MEGF9: variants seen among roughly 807,000 people sequenced by gnomAD.
The protein encoded by MEGF9 is multiple EGF like domains 9, also known as multiple epidermal growth factor-like domains protein 9.
Under a neutral mutation model 46.8 loss-of-function variants are expected in MEGF9, and 6 were observed. That is an observed-to-expected ratio of 0.13 (90% CI 0.07 to 0.25). The LOEUF (loss-of-function observed/expected upper bound fraction) is 0.25, where lower values mean the gene tolerates loss of function less well. Among genes scored for constraint, MEGF9 ranks in the 10% least tolerant of loss-of-function variants. The pLI is 1.00. For synonymous variants in MEGF9, 302 were observed against 330.7 expected, an observed-to-expected ratio of 0.91 and a Z score of 0.94; for missense variants, 683 against 792.4, an observed-to-expected ratio of 0.86 and a Z score of 1.66.
intron 1 of MEGF9, among the ~76,000 whole-genome samples, chr9:120,668,633 T>G (rs1334349993): frequency 6.6e-6 from 1 of 152,238 alleles, no homozygotes; most frequent in African/African-American, 2.4e-5. Context: ...TGAGACAAGA[T>G]GACAAGTTCT....
chr9:120,633,494 TG>T (rs1418838047), intron 2 of MEGF9, among the ~76,000 whole-genome samples: 2 of 152,120 alleles, frequency 1.3e-5, no homozygotes, highest in East Asian at 3.8e-4. Flanking sequence ...CTTTTTTTCT[TG>T]GTTAGTCTAG....
At chr9:120,681,872 A>G (rs2043800090) in intron 1 of MEGF9, among the ~76,000 whole-genome samples, 1 of 152,238 alleles carries the variant, frequency 6.6e-6, no homozygotes, top group African/African-American at 2.4e-5. Flanking sequence ...GTAGAGGAAG[A>G]TTAGTTTATG....
At chr9:120,713,653 G>A (rs533510594) in intron 1 of MEGF9, 105 bp downstream of exon 1, 2 of 1,231,264 alleles carry the variant, frequency 1.6e-6, no homozygotes, top group Non-Finnish European at 2.0e-6. Flanking sequence ...GGAACCTGGG[G>A]TGTCTTTGGG....
chr9:120,616,535 C>T (rs369733890), intron 3 of MEGF9, among the ~76,000 whole-genome samples: 11 of 151,942 alleles, frequency 7.2e-5, no homozygotes, highest in East Asian at 3.9e-4. Context: ...AAAAATTAGC[C>T]GGGAATGGTG....
Position 120,643,837 on chromosome 9 carries a change from T to C in MEGF9, c.803+15537A>G, listed in dbSNP as rs1392833266. Among the ~76,000 whole-genome samples the C allele has an allele frequency of 3.3e-5, 5 of 151,834 alleles. No homozygotes were observed. The East Asian group carries it at 9.7e-4, about 29-fold the overall frequency. ...AGCCTCCCAAGTAGCTGGGACTACATGCATGCACCACCAAGTAGCTGGGAC... is the reference window on the plus strand; with the variant it reads ...AGCCTCCCAAGTAGCTGGGACTACACGCATGCACCACCAAGTAGCTGGGAC... On this transcript the variant is annotated intron_variant, in intron 2 of 5. Transcript: ENST00000373930.
At position 120,693,275 on chromosome 9, in the gene MEGF9, CAAAAAAA is replaced by C. The variant is rs10633158; in HGVS notation, c.601+20476_601+20482del. The stretch of plus-strand genomic sequence containing the variant: ...GGATTTGAAATTTTGTCTGGTTAAC[CAAAAAAA>C]AAAAAAAAAAAAGAAGAAGAAGAAG... On this transcript the variant is annotated intron_variant, in intron 1 of 5. Coordinates refer to ENST00000373930, the MANE Select transcript of MEGF9 (RefSeq NM_001080497.3). Among the ~76,000 whole-genome samples the C allele has an allele frequency of 3.2e-3, 334 of 104,466 alleles. 2 individuals are homozygous for C. The highest frequency in any genetic ancestry group is 0.012 in the African/African-American group (320 of 25,772). The allele number at this position is 104,466 out of a possible 152,430, so 68.5% of individuals were successfully genotyped here.
chr9:120,637,138 C>T (rs925718646), intron 2 of MEGF9, among the ~76,000 whole-genome samples: 5 of 152,194 alleles, frequency 3.3e-5, no homozygotes, highest in Non-Finnish European at 5.9e-5. Context: ...ACCCCATGCT[C>T]TCTGAAACAT....
chr9:120,694,917 T>C (rs1360473274), intron 1 of MEGF9, among the ~76,000 whole-genome samples: 1 of 133,450 alleles, frequency 7.5e-6, no homozygotes, highest in Non-Finnish European at 1.6e-5. Flanking sequence ...AAAGGCCTTT[T>C]TGACAGCATC....
At chr9:120,689,227 A>G (rs988751579) in intron 1 of MEGF9, among the ~76,000 whole-genome samples, 14 of 152,202 alleles carry the variant, frequency 9.2e-5, no homozygotes, top group African/African-American at 3.1e-4. Context: ...GTGAAGAATG[A>G]GGAGGTATAG....
chr9:120,673,571 T>C (rs984410855), intron 1 of MEGF9, among the ~76,000 whole-genome samples: 3 of 149,364 alleles, frequency 2.0e-5, no homozygotes, highest in African/African-American at 7.4e-5. Context: ...GGCAATTCAA[T>C]GGAGAAAGGA....
intron 2 of MEGF9, among the ~76,000 whole-genome samples, chr9:120,625,923 C>T (rs1366087309): frequency 6.7e-6 from 1 of 150,160 alleles, no homozygotes; most frequent in Non-Finnish European, 1.5e-5. Context: ...AGAATAAAGA[C>T]TTTACAACAC....
At chr9:120,674,330 T>C (rs1028853202) in intron 1 of MEGF9, among the ~76,000 whole-genome samples, 5 of 152,018 alleles carry the variant, frequency 3.3e-5, no homozygotes, top group Admixed American at 6.5e-5. Flanking sequence ...GGAGAAAAGA[T>C]CTAGAAACTT....
intron 1 of MEGF9, among the ~76,000 whole-genome samples, chr9:120,669,302 T>C (rs1050946178): frequency 6.6e-6 from 1 of 152,196 alleles, no homozygotes; most frequent in Non-Finnish European, 1.5e-5. Context: ...AGCACAGTAC[T>C]GATCAGTAAA....
At position 120,601,637 on chromosome 9, in the gene MEGF9, A is replaced by T. The variant is rs2043396528; in HGVS notation, c.*3553T>A. On this transcript the variant is annotated 3_prime_UTR_variant, in exon 6 of 6. Coordinates refer to ENST00000373930, the MANE Select transcript of MEGF9 (RefSeq NM_001080497.3). ...TGTTTCCTCTGTTCTCTACTCTTAA[A>T]ATCTAGGTATCACTGGGAAGAGTAA... 6.6e-6 allele frequency: 1 copy of T among 152,182 alleles called. No individual in the cohort carries two copies. Among genetic ancestry groups the T allele is most frequent in the Admixed American group, 6.5e-5 (1 of 15,276 alleles). The allele number at this position is 152,182 out of a possible 1,614,324, so 9.4% of individuals were successfully genotyped here. A position where few individuals can be genotyped will look rare whatever the true frequency, so the allele number is the denominator to read the frequency against.
chr9:120,609,410 G>A (rs189846367), intron 4 of MEGF9, among the ~76,000 whole-genome samples: 9 of 152,272 alleles, frequency 5.9e-5, no homozygotes, highest in Admixed American at 5.2e-4. Flanking sequence ...TTAGGATAGG[G>A]TTAGTCTATG....
chr9:120,651,899 C>A (rs923209069), intron 2 of MEGF9, among the ~76,000 whole-genome samples: 5 of 151,694 alleles, frequency 3.3e-5, no homozygotes, highest in Non-Finnish European at 7.4e-5. Context: ...GATCCACCCA[C>A]CTCGGCCTCC....
Position 120,714,469 on chromosome 9 carries a change from C to T in MEGF9, c.-111G>A. 4.0e-6 allele frequency: 4 copies of T among 1,000,616 alleles called. No individual in the cohort carries two copies. Among genetic ancestry groups the T allele is most frequent in the Non-Finnish European group, 5.1e-6 (4 of 783,352 alleles). 62.0% of individuals were successfully genotyped at this position (1,000,616 alleles called of 1,614,324 possible). ...CCGGGCGCACCATCGCCACCTCCCT[C>T]TGACAGGCGGCCGGCCCCGCGGGCG... On this transcript the variant is annotated 5_prime_UTR_variant, in exon 1 of 6. Coordinates refer to ENST00000373930, the MANE Select transcript of MEGF9 (RefSeq NM_001080497.3).
chr9:120,610,564 C>T (rs2132298263), intron 4 of MEGF9, among the ~76,000 whole-genome samples: 1 of 152,294 alleles, frequency 6.6e-6, no homozygotes, highest in South Asian at 2.1e-4. Flanking sequence ...TGTCTACCTG[C>T]TAAATGCAGA....
chr9:120,686,816 A>G (rs565455285), intron 1 of MEGF9, among the ~76,000 whole-genome samples: 1 of 152,354 alleles, frequency 6.6e-6, no homozygotes, highest in South Asian at 2.1e-4. Flanking sequence ...AGTACTTGGC[A>G]CACAGTCTTC....
Sources: allele counts gnomAD v4.1 joint callset (sites outside exome capture counted in the v4.1 genomes callset), GRCh38; gene constraint gnomAD v4.1.1; transcripts MANE v1.5; gene names NCBI Gene and HGNC (gene_info 2026-07-23, HGNC 2026-07-21).